TRPM3: variants seen among roughly 807,000 people sequenced by gnomAD.
The protein encoded by TRPM3 is long transient receptor potential channel 3.
Under a neutral mutation model 181.2 loss-of-function variants are expected in TRPM3, and 77 were observed. The observed-to-expected ratio is 0.42, with a 90% CI of 0.35 to 0.51. The LOEUF is 0.51. Among genes scored for constraint, TRPM3 ranks in the 20% least tolerant of loss-of-function variants. The pLI, the probability that TRPM3 is intolerant of heterozygous loss-of-function variation, is 0.01. For missense variants in TRPM3, 1,759 were observed against 2,196.7 expected, an observed-to-expected ratio of 0.80 and a Z score of 3.98; for synonymous variants, 745 against 796.4, an observed-to-expected ratio of 0.94 and a Z score of 1.09.
chr9:71,095,311 A>AT (rs973110939), intron 1 of TRPM3, among the ~76,000 whole-genome samples: 19 of 152,248 alleles, frequency 1.2e-4, no homozygotes, highest in African/African-American at 4.3e-4. Flanking sequence ...AGATGAAACC[A>AT]TTTTTTAGAT....
chr9:71,115,627 C>T (rs1323931514), intron 1 of TRPM3, among the ~76,000 whole-genome samples: 1 of 152,192 alleles, frequency 6.6e-6, no homozygotes, highest in African/African-American at 2.4e-5. Context: ...TCTGGCAGGA[C>T]AGCAGGGCCC....
At chr9:70,640,191 G>A (rs1403306847) in intron 10 of TRPM3, among the ~76,000 whole-genome samples, 2 of 152,214 alleles carry the variant, frequency 1.3e-5, no homozygotes, top group South Asian at 2.1e-4. Flanking sequence ...CCTTCCCTTT[G>A]CCCCATCAAA....
At chr9:70,893,550 A>G (rs1423844819) in intron 1 of TRPM3, among the ~76,000 whole-genome samples, 1 of 152,172 alleles carries the variant, frequency 6.6e-6, no homozygotes, top group Non-Finnish European at 1.5e-5. Context: ...TTTATGGAAT[A>G]CTACATATAT....
intron 1 of TRPM3, among the ~76,000 whole-genome samples, chr9:71,204,065 G>C (rs1279746963): frequency 6.6e-6 from 1 of 151,518 alleles, no homozygotes; most frequent in Admixed American, 6.6e-5. Flanking sequence ...ATTAATTCAA[G>C]ATGGATTAAA....
chr9:71,278,135 T>A (rs1167148312), intron 1 of TRPM3, among the ~76,000 whole-genome samples: 1 of 152,060 alleles, frequency 6.6e-6, no homozygotes, highest in African/African-American at 2.4e-5. Context: ...AAAATCCTGA[T>A]CAATTAGTAC....
intron 1 of TRPM3, among the ~76,000 whole-genome samples, chr9:71,299,580 G>C (rs1239614366): frequency 6.6e-6 from 1 of 151,908 alleles, no homozygotes; most frequent in Non-Finnish European, 1.5e-5. Context: ...GGAGGGAAGA[G>C]AAATGTTAAC....
chr9:70,926,896 CCAAT>C (rs1344665361), intron 1 of TRPM3, among the ~76,000 whole-genome samples: 1 of 152,142 alleles, frequency 6.6e-6, no homozygotes, highest in Non-Finnish European at 1.5e-5. Context: ...ACTAAATTTT[CCAAT>C]CAGAGGAGGC....
At chr9:70,603,572 G>A (rs751453461) in intron 19 of TRPM3, 102 bp from the exon 20 acceptor site, 1 of 1,308,352 alleles carries the variant, frequency 7.6e-7, no homozygotes, top group East Asian at 2.4e-5. Context: ...CAGCAAGCAG[G>A]ACACAGACTT....
intron 8 of TRPM3, among the ~76,000 whole-genome samples, chr9:70,746,734 C>T (rs1170155615): frequency 1.3e-5 from 2 of 152,026 alleles, no homozygotes; most frequent in African/African-American, 2.4e-5. Flanking sequence ...GGAGGAAGCC[C>T]CAAGTATGAT....
intron 1 of TRPM3, among the ~76,000 whole-genome samples, chr9:71,382,686 GTCT>G (rs1338579910): frequency 8.8e-6 from 1 of 113,836 alleles, no homozygotes; most frequent in Non-Finnish European, 2.0e-5. Flanking sequence ...TATCTGTATA[GTCT>G]TTTTTTTTTT....
intron 5 of TRPM3, among the ~76,000 whole-genome samples, chr9:70,832,303 AT>A (rs756315256): frequency 3.9e-5 from 6 of 152,086 alleles, no homozygotes; most frequent in Non-Finnish European, 7.4e-5. Context: ...AATAAAAAAA[AT>A]AGTAGTATGT....
At chr9:70,621,005 A>G (rs977875837) in intron 15 of TRPM3, among the ~76,000 whole-genome samples, 2 of 147,474 alleles carry the variant, frequency 1.4e-5, no homozygotes, top group African/African-American at 4.9e-5. Context: ...CCCTTATGAC[A>G]CATTATATAT....
Position 70,806,804 on chromosome 9 carries a change from A to G in TRPM3, c.973+21043T>C, listed in dbSNP as rs1347357670. ...GGAGCACTATTTATAGTCATTTCCC[A>G]AGACTATATGAATGATTCTTCAGTT... On this transcript the variant is annotated intron_variant, in intron 6 of 25. Transcript: ENST00000677713. Among the ~76,000 whole-genome samples, 4 of 152,342 alleles carry G rather than the reference A, an allele frequency of 2.6e-5. No individual in the cohort carries two copies. In the South Asian group the frequency reaches 6.2e-4, roughly 24 times the overall value.
At chr9:70,764,174 G>T (rs2078669048) in intron 7 of TRPM3, among the ~76,000 whole-genome samples, 1 of 152,148 alleles carries the variant, frequency 6.6e-6, no homozygotes, top group Non-Finnish European at 1.5e-5. Context: ...AGGATGGCAT[G>T]ATCACATTTG....
chr9:71,187,900 T>C (rs1462313632), intron 1 of TRPM3, among the ~76,000 whole-genome samples: 4 of 82,734 alleles, frequency 4.8e-5, no homozygotes, highest in Non-Finnish European at 7.7e-5. Context: ...GATAGATAGA[T>C]AGATAGATAG....
At chr9:71,433,536 T>C (rs967112922) in intron 1 of TRPM3, among the ~76,000 whole-genome samples, 1 of 152,232 alleles carries the variant, frequency 6.6e-6, no homozygotes, top group African/African-American at 2.4e-5. Flanking sequence ...TATGTCTTTA[T>C]TTGCAGCATG....
chr9:70,747,197 T>A (rs543803520), intron 8 of TRPM3, among the ~76,000 whole-genome samples: 1 of 152,308 alleles, frequency 6.6e-6, no homozygotes, highest in South Asian at 2.1e-4. Context: ...GATTCTGCTC[T>A]TAAGAGCTTG....
At chr9:70,752,004 G>GTT (rs1554685671) in intron 8 of TRPM3, among the ~76,000 whole-genome samples, 5 of 112,960 alleles carry the variant, frequency 4.4e-5, no homozygotes, top group East Asian at 6.0e-4. Flanking sequence ...TCAACAGTGT[G>GTT]TGTGTGTGTG....
chr9:70,861,576 C>A (rs552789989), intron 3 of TRPM3, among the ~76,000 whole-genome samples: 99 of 152,296 alleles, frequency 6.5e-4, no homozygotes, highest in African/African-American at 2.2e-3. Flanking sequence ...AGGGACAACT[C>A]GCATGACTTT....
Sources: gnomAD v4.1 joint callset for allele counts (sites outside exome capture counted in the v4.1 genomes callset) on GRCh38, gnomAD v4.1.1 for gene constraint, MANE v1.5 for transcripts, NCBI Gene and HGNC (gene_info 2026-07-23, HGNC 2026-07-21) for gene names.